DAB2IP: variants seen among roughly 807,000 people sequenced by gnomAD.
DAB2IP encodes disabled homolog 2-interacting protein.
A neutral mutation model predicts 107.2 loss-of-function variants in DAB2IP; 28 were observed. That is an observed-to-expected ratio of 0.26 (90% CI 0.19 to 0.36). The LOEUF (loss-of-function observed/expected upper bound fraction) is 0.36, where lower values mean the gene tolerates loss of function less well. Ranked by LOEUF, DAB2IP falls within the 10% of genes least tolerant of loss-of-function variation. The pLI is 1.00. For synonymous variants in DAB2IP, 755 were observed against 706.4 expected (o/e 1.07, Z -1.09); for missense variants, 1,400 against 1,644.7 (o/e 0.85, Z 2.57).
intron 3 of DAB2IP, among the ~76,000 whole-genome samples, chr9:121,733,045 C>T (rs887093082): frequency 6.6e-6 from 1 of 152,198 alleles, no homozygotes; most frequent in African/African-American, 2.4e-5. Context: ...GTTTTCTCAC[C>T]TTCAGCTAAG....
intron 3 of DAB2IP, among the ~76,000 whole-genome samples, chr9:121,705,674 C>G (rs912178192): frequency 8.5e-5 from 13 of 152,188 alleles, no homozygotes; most frequent in African/African-American, 3.1e-4. Flanking sequence ...TGTGAATAAG[C>G]TCCCCACCTT....
intron 1 of DAB2IP, among the ~76,000 whole-genome samples, chr9:121,623,180 C>T (rs1270625271): frequency 1.3e-5 from 2 of 152,190 alleles, no homozygotes; most frequent in Admixed American, 6.5e-5. Context: ...CCGGGGTCCT[C>T]GCTGTGACAC....
intron 10 of DAB2IP, among the ~76,000 whole-genome samples, chr9:121,770,026 G>A (rs1158059814): frequency 6.6e-6 from 1 of 152,226 alleles, no homozygotes; most frequent in Non-Finnish European, 1.5e-5. Context: ...GTTCTCTAAA[G>A]CGTGCCAGCA....
chr9:121,678,816 C>T, intron 2 of DAB2IP, 35 bp downstream of exon 2: 1 of 1,516,924 alleles, frequency 6.6e-7, no homozygotes, highest in Non-Finnish European at 8.9e-7. Flanking sequence ...CCGCCACTGC[C>T]ACCACCATCA....
chr9:121,736,997 C>T lies in DAB2IP; in HGVS notation c.363-20016C>T, dbSNP rs1564189147. Among the ~76,000 whole-genome samples the T allele has an allele frequency of 6.6e-6, 1 of 152,224 alleles. No individual in the cohort carries two copies. The highest frequency in any genetic ancestry group is 1.5e-5 in the Non-Finnish European group (1 of 68,046). On this transcript the variant is annotated intron_variant, in intron 3 of 15. Coordinates refer to ENST00000408936, the Ensembl canonical transcript of DAB2IP. This position sits in a 1 kb window ranked among gnomAD's most constrained non-coding sequence, Gnocchi z 4.6. ...TAGCTAGAGAGATCAGGGAAGGCCT[C>T]TTCCTGGGACGGGACTTTGGGTCTG... is the stretch of plus-strand genomic sequence containing the variant.
intron 1 of DAB2IP, among the ~76,000 whole-genome samples, chr9:121,660,804 C>T (rs921589466): frequency 6.6e-6 from 1 of 152,064 alleles, no homozygotes; most frequent in Non-Finnish European, 1.5e-5. Flanking sequence ...CTAGTATGCA[C>T]CATACTAAAT....
rs79142356 is a variant in DAB2IP at position 121,717,315 on chromosome 9, G to A, written c.362+17857G>A. Among the ~76,000 whole-genome samples the A allele has an allele frequency of 5.2e-3, 796 of 152,286 alleles. 13 individuals are homozygous for A. Among genetic ancestry groups the A allele is most frequent in the African/African-American group, 0.019 (769 of 41,552 alleles). ...TCAGGGCAGGTACAGACAGGATGGCGGTGCCCACAAGCCCTTTTTATCCAG... is the reference window on the plus strand; with the variant it reads ...TCAGGGCAGGTACAGACAGGATGGCAGTGCCCACAAGCCCTTTTTATCCAG... On this transcript the variant is annotated intron_variant, in intron 3 of 15. Coordinates refer to ENST00000408936, the Ensembl canonical transcript of DAB2IP.
At chr9:121,569,128 C>G (rs370005254) in intron 1 of DAB2IP, among the ~76,000 whole-genome samples, 128 of 152,344 alleles carry the variant, frequency 8.4e-4, no homozygotes, top group African/African-American at 3.1e-3. Context: ...AGGTCTCCCA[C>G]CCAGCCAGCC....
intron 3 of DAB2IP, among the ~76,000 whole-genome samples, chr9:121,715,213 C>G (rs932666512): frequency 6.6e-6 from 1 of 152,182 alleles, no homozygotes; most frequent in South Asian, 2.1e-4. Context: ...GCCTGAGAGT[C>G]TTTAGAGAGA....
intron 9 of DAB2IP, 126 bp downstream of exon 9, chr9:121,766,856 TCCTCAGTCC>T: frequency 1.1e-6 from 1 of 904,554 alleles, no homozygotes; most frequent in Non-Finnish European, 1.7e-6. Flanking sequence ...GTCCCTGTCA[TCCTCAGTCC>T]TTCTCCTTCC....
chr9:121,681,310 A>T (rs1254366286), intron 2 of DAB2IP, among the ~76,000 whole-genome samples: 1 of 152,108 alleles, frequency 6.6e-6, no homozygotes, highest in Admixed American at 6.5e-5. Flanking sequence ...TCCCTTTCTG[A>T]GTTGCTCTAA....
At chr9:121,673,792 C>T (rs1259716508) in intron 1 of DAB2IP, among the ~76,000 whole-genome samples, 1 of 152,098 alleles carries the variant, frequency 6.6e-6, no homozygotes, top group East Asian at 1.9e-4. Context: ...TGGCCTGGCC[C>T]AGACTCTGCC....
intron 3 of DAB2IP, among the ~76,000 whole-genome samples, chr9:121,706,189 C>T (rs1156672480): frequency 2.0e-5 from 3 of 152,200 alleles, no homozygotes; most frequent in African/African-American, 7.2e-5. Context: ...GTGTCCAGGG[C>T]AGCATCTGCC....
intron 3 of DAB2IP, among the ~76,000 whole-genome samples, chr9:121,722,218 C>T (rs547916231): frequency 5.3e-5 from 8 of 152,334 alleles, no homozygotes; most frequent in African/African-American, 1.9e-4. Flanking sequence ...TGCATTTGCT[C>T]TCCTGCAGCT....
intron 9 of DAB2IP, 94 bp downstream of exon 9, chr9:121,766,824 AC>A: frequency 7.8e-7 from 1 of 1,279,572 alleles, no homozygotes; most frequent in South Asian, 1.3e-5. Context: ...CTGAGCAGAG[AC>A]CATAAACAGG....
intron 1 of DAB2IP, among the ~76,000 whole-genome samples, chr9:121,624,752 A>G (rs1831582920): frequency 6.6e-6 from 1 of 152,234 alleles, no homozygotes; most frequent in Admixed American, 6.5e-5. Flanking sequence ...CACAACAACA[A>G]AATCGCCTAA....
intron 3 of DAB2IP, among the ~76,000 whole-genome samples, chr9:121,712,163 G>A (rs1830367442): frequency 6.6e-6 from 1 of 152,240 alleles, no homozygotes. Flanking sequence ...AGGGCACTGG[G>A]TTGGGGGCTG....
chr9:121,650,311 C>T (rs966362254), upstream of DAB2IP, among the ~76,000 whole-genome samples: 4 of 152,182 alleles, frequency 2.6e-5, no homozygotes, highest in Non-Finnish European at 4.4e-5. Context: ...GGGAAGGCGC[C>T]TGGCTTCCAG....
intron 1 of DAB2IP, among the ~76,000 whole-genome samples, chr9:121,589,588 G>T (rs76212210): frequency 6.6e-6 from 1 of 152,110 alleles, no homozygotes; most frequent in Non-Finnish European, 1.5e-5. Context: ...GCATATGGGA[G>T]TGTCCTGCTT....
Sources: allele counts gnomAD v4.1 joint callset (sites outside exome capture counted in the v4.1 genomes callset), GRCh38; gene constraint gnomAD v4.1.1; non-coding constraint Gnocchi (gnomAD v3.1); transcripts MANE v1.5; gene names NCBI Gene and HGNC (gene_info 2026-07-23, HGNC 2026-07-21).